The following GALNT13 variants were observed in gnomAD, a reference collection of about 807,000 sequenced individuals.
GALNT13 encodes polypeptide N-acetylgalactosaminyltransferase 13.
A neutral mutation model predicts 64.2 loss-of-function variants in GALNT13; 28 were observed. The observed-to-expected ratio is 0.44, with a 90% CI of 0.32 to 0.60. GALNT13 has a LOEUF of 0.60. Among genes scored for constraint, GALNT13 ranks in the 20% least tolerant of loss-of-function variants. The pLI, the probability that GALNT13 is intolerant of heterozygous loss-of-function variation, is 0.05. For synonymous variants in GALNT13, 214 were observed against 224.6 expected (o/e 0.95, Z 0.42); for missense variants, 577 against 669.8 (o/e 0.86, Z 1.53).
the GALNT13 span, among the ~76,000 whole-genome samples, chr2:153,207,395 G>A: frequency 6.6e-6 from 1 of 152,026 alleles, no homozygotes; most frequent in Non-Finnish European, 1.5e-5. Context: ...AGGAAGTGTT[G>A]TGTTCTTTCA....
the GALNT13 span, among the ~76,000 whole-genome samples, chr2:153,646,795 C>T: frequency 6.6e-6 from 1 of 151,916 alleles, no homozygotes; most frequent in Non-Finnish European, 1.5e-5. Flanking sequence ...ACATGAACTC[C>T]TCATTTTTTA....
At chr2:153,330,817 G>A in the GALNT13 span, among the ~76,000 whole-genome samples, 2 of 152,056 alleles carry the variant, frequency 1.3e-5, no homozygotes, top group Admixed American at 6.6e-5. Flanking sequence ...GTACTATGTT[G>A]GATAGCAGTA....
chr2:153,839,640 G>A, the GALNT13 span, among the ~76,000 whole-genome samples: 11 of 151,796 alleles, frequency 7.2e-5, no homozygotes, highest in African/African-American at 2.7e-4. Context: ...TTTCTGAAGT[G>A]GAAATCCATA....
the GALNT13 span, among the ~76,000 whole-genome samples, chr2:153,230,168 T>C: frequency 4.6e-5 from 7 of 152,234 alleles, no homozygotes; most frequent in Non-Finnish European, 1.0e-4. Flanking sequence ...TATTCCTCTG[T>C]GCGGAAGATT....
At chr2:154,325,524 C>T (rs1017783114) in intron 9 of GALNT13, among the ~76,000 whole-genome samples, 2 of 152,044 alleles carry the variant, frequency 1.3e-5, no homozygotes, top group South Asian at 4.1e-4. Flanking sequence ...ATCATTTGTA[C>T]TTGTACTTTT....
At chr2:154,234,769 C>T (rs1167582630) in intron 4 of GALNT13, among the ~76,000 whole-genome samples, 1 of 152,068 alleles carries the variant, frequency 6.6e-6, no homozygotes, top group Non-Finnish European at 1.5e-5. Flanking sequence ...AACCTTTCAT[C>T]CATTCAACCC....
the GALNT13 span, among the ~76,000 whole-genome samples, chr2:153,082,647 AC>A: frequency 7.8e-6 from 1 of 128,024 alleles, no homozygotes; most frequent in Non-Finnish European, 1.6e-5. Context: ...ACACACACAC[AC>A]ACACACACAC....
At chr2:153,625,214 G>A in the GALNT13 span, among the ~76,000 whole-genome samples, 1 of 152,086 alleles carries the variant, frequency 6.6e-6, no homozygotes, top group African/African-American at 2.4e-5. Context: ...TCTTTCAGAT[G>A]AACAAAATGG....
intron 3 of GALNT13, among the ~76,000 whole-genome samples, chr2:153,972,095 GT>G (rs1227594830): frequency 6.6e-6 from 1 of 152,044 alleles, no homozygotes; most frequent in Admixed American, 6.6e-5. Context: ...CAAGGAAGGA[GT>G]TTCTCCTACT....
chr2:153,240,812 C>T, the GALNT13 span, among the ~76,000 whole-genome samples: 3 of 151,958 alleles, frequency 2.0e-5, no homozygotes, highest in East Asian at 5.8e-4. Flanking sequence ...TAGGTGCTGC[C>T]AATGCCTTCT....
the GALNT13 span, among the ~76,000 whole-genome samples, chr2:153,223,273 G>A: frequency 6.6e-6 from 1 of 152,162 alleles, no homozygotes; most frequent in Non-Finnish European, 1.5e-5. Context: ...GCTGGATCAA[G>A]CAGGCAGAAA....
chr2:153,505,109 G>A, the GALNT13 span, among the ~76,000 whole-genome samples: 3 of 152,030 alleles, frequency 2.0e-5, no homozygotes, highest in East Asian at 5.8e-4. Context: ...TAATCTAGGA[G>A]GGTTGTATAT....
chr2:153,369,778 G>A, the GALNT13 span, among the ~76,000 whole-genome samples: 1 of 152,148 alleles, frequency 6.6e-6, no homozygotes, highest in Non-Finnish European at 1.5e-5. Context: ...CTTTGTGAAA[G>A]CCCACATGGT....
chr2:154,272,562 G>A lies in GALNT13; in HGVS notation c.975+13424G>A, dbSNP rs974304847. Among the ~76,000 whole-genome samples the A allele has an allele frequency of 3.0e-4, 45 of 152,006 alleles. 1 individual carries two copies. The highest frequency in any genetic ancestry group is 2.6e-3 in the Admixed American group (40 of 15,256). Reference sequence around the variant, plus strand: ...CAAACATAAAGGACTTAAATTCAGCGGTTTGAATTTATGGCAATAAAAACA... The same window carrying A: ...CAAACATAAAGGACTTAAATTCAGCAGTTTGAATTTATGGCAATAAAAACA... On this transcript the variant is annotated intron_variant, in intron 8 of 12. Coordinates refer to ENST00000392825, the MANE Select transcript of GALNT13 (RefSeq NM_052917.4).
intron 10 of GALNT13, among the ~76,000 whole-genome samples, chr2:154,404,744 A>G (rs966220032): frequency 5.3e-5 from 8 of 152,220 alleles, no homozygotes; most frequent in African/African-American, 1.9e-4. Flanking sequence ...AATAAAGCCC[A>G]ACTAGAGTGG....
At chr2:154,134,616 A>G (rs1682842235) in intron 3 of GALNT13, among the ~76,000 whole-genome samples, 1 of 152,224 alleles carries the variant, frequency 6.6e-6, no homozygotes, top group South Asian at 2.1e-4. Context: ...ACTTTGGAAT[A>G]TTTTGCACCC....
chr2:154,112,499 T>C (rs551632198), intron 3 of GALNT13, among the ~76,000 whole-genome samples: 16 of 152,326 alleles, frequency 1.1e-4, no homozygotes, highest in African/African-American at 3.6e-4. Flanking sequence ...GAGAGGTCCA[T>C]CCACATCCCT....
the GALNT13 span, among the ~76,000 whole-genome samples, chr2:153,238,250 G>T: frequency 6.6e-6 from 1 of 152,010 alleles, no homozygotes; most frequent in African/African-American, 2.4e-5. Flanking sequence ...CAGATGGGTA[G>T]CTTACAAATA....
At chr2:153,436,677 C>T in the GALNT13 span, among the ~76,000 whole-genome samples, 1 of 152,052 alleles carries the variant, frequency 6.6e-6, no homozygotes, top group Non-Finnish European at 1.5e-5. Flanking sequence ...TGGTGATATC[C>T]TCTTTATCAT....
Sources: allele counts gnomAD v4.1 joint callset (sites outside exome capture counted in the v4.1 genomes callset), GRCh38; gene constraint gnomAD v4.1.1; transcripts MANE v1.5; gene names NCBI Gene and HGNC (gene_info 2026-07-23, HGNC 2026-07-21).